TMEM269: variants seen among roughly 807,000 people sequenced by gnomAD.
TMEM269 encodes the protein transmembrane protein 269.
In TMEM269, 12 loss-of-function variants were observed where a neutral mutation model predicts 15.8. That is an observed-to-expected ratio of 0.76 (90% confidence interval 0.49 to 1.23). The LOEUF is 1.23. Ranked by LOEUF, TMEM269 falls within the 50% of genes most tolerant of loss-of-function variation. TMEM269 has a pLI of 0.00. For missense variants in TMEM269, 211 were observed against 245.4 expected, an observed-to-expected ratio of 0.86 and a Z score of 0.94; for synonymous variants, 93 against 99.3, an observed-to-expected ratio of 0.94 and a Z score of 0.38.
Position 42,785,041 on chromosome 1 carries a change from C to CA in TMEM269, c.-139dup, listed in dbSNP as rs1179538087. On this transcript the variant is annotated 5_prime_UTR_variant, in exon 1 of 6. Coordinates refer to ENST00000637012, the MANE Select transcript of TMEM269 (RefSeq NM_001354602.2). ...GAAACGGGGCAGGAGGGCGGACCCCCATCTCATGTAGGAATGCCGTGTCCC... is the reference window on the plus strand; with the variant it reads ...GAAACGGGGCAGGAGGGCGGACCCCCAATCTCATGTAGGAATGCCGTGTCCC... 2.6e-5 allele frequency: 4 copies of CA among 152,490 alleles called. No individual in the cohort carries two copies. The highest frequency in any genetic ancestry group is 6.5e-5 in the Admixed American group (1 of 15,276). The allele number at this position is 152,490 out of a possible 1,614,324, so 9.4% of individuals were successfully genotyped here.
At chr1:42,787,275 T>C (rs1244007830) in intron 1 of TMEM269, among the ~76,000 whole-genome samples, 1 of 152,194 alleles carries the variant, frequency 6.6e-6, no homozygotes, top group Non-Finnish European at 1.5e-5. Context: ...CATCTCTGAG[T>C]CTTCCTTGCT....
intron 4 of TMEM269, 65 bp from the exon 5 acceptor site, chr1:42,794,348 C>A: frequency 1.6e-6 from 2 of 1,252,292 alleles, no homozygotes; most frequent in Admixed American, 2.1e-5. Flanking sequence ...GAGAGAGGGG[C>A]TTGCTTCATT....
intron 1 of TMEM269, chr1:42,789,349 C>G: frequency 1.6e-6 from 2 of 1,236,290 alleles, no homozygotes; most frequent in Non-Finnish European, 2.3e-6. Context: ...AAGGAGTGAA[C>G]TTGGACTGTG....
intron 5 of TMEM269, among the ~76,000 whole-genome samples, chr1:42,796,155 C>T (rs1415895842): frequency 1.3e-5 from 2 of 152,226 alleles, no homozygotes; most frequent in Admixed American, 1.3e-4. Flanking sequence ...TATAAATCCT[C>T]TGGCACAGAT....
At chr1:42,787,820 C>T (rs1653573036) in intron 1 of TMEM269, among the ~76,000 whole-genome samples, 1 of 152,166 alleles carries the variant, frequency 6.6e-6, no homozygotes, top group South Asian at 2.1e-4. Context: ...ACCCTGGGCA[C>T]CTGCTAACTG....
rs1477936316 is a variant in TMEM269, at chr1:42,799,158, C to A, written c.*933C>A. The A allele has an allele frequency of 6.6e-6, 1 of 151,910 alleles. No homozygotes were observed. The highest frequency in any genetic ancestry group is 1.5e-5 in the Non-Finnish European group (1 of 67,984). 9.4% of individuals were successfully genotyped at this position (151,910 alleles called of 1,614,324 possible). On this transcript the variant is annotated 3_prime_UTR_variant, in exon 6 of 6. Transcript: ENST00000637012. ...GCAGGATCTCGTGTGGATTTTCTTT[C>A]CTACGCTGGAAACTACTAAACTCTA...
Position 42,794,583 on chromosome 1 carries a change from G to A in TMEM269, c.454G>A (p.Glu152Lys), listed in dbSNP as rs1470435542. The A allele has an allele frequency of 1.1e-5, 17 of 1,550,894 alleles. No homozygotes were observed. The highest frequency in any genetic ancestry group is 1.7e-4 in the Middle Eastern group (1 of 5,996). ...YYPYDKILES[E>K]NWKKLVYIGG... ...TCCATATGACAAAATCCTGGAGTCT[G>A]AGAACTGGAAAAAATTGGTTTATAT... The change falls in exon 5 of 6, where the codon GAG (glutamate) becomes AAG (lysine). Residue 152 changes from glutamate to lysine, a missense_variant. Glu to Lys is a moderately conservative substitution (Grantham distance 56, BLOSUM62 1). Transcript: ENST00000637012.
rs1372525503 is a variant in TMEM269 at position 42,798,272 on chromosome 1, G to A, written c.*47G>A. 6.5e-7 allele frequency: 1 copy of A among 1,538,770 alleles called. No individual in the cohort carries two copies. Among genetic ancestry groups the A allele is most frequent in the East Asian group, 2.4e-5 (1 of 40,902 alleles). On this transcript the variant is annotated 3_prime_UTR_variant, in exon 6 of 6. Coordinates refer to ENST00000637012, the MANE Select transcript of TMEM269 (RefSeq NM_001354602.2). ...GCTCCTGCCGGCCTCTGTGGGGTTTGTGTCAGCATATTGGGTCAAGCCTGC... is the reference window on the plus strand; with the variant it reads ...GCTCCTGCCGGCCTCTGTGGGGTTTATGTCAGCATATTGGGTCAAGCCTGC...
chr1:42,793,012 T>A (rs1653726671), intron 3 of TMEM269, 110 bp downstream of exon 3: 1 of 833,958 alleles, frequency 1.2e-6, no homozygotes, highest in Non-Finnish European at 2.0e-6. Flanking sequence ...CATCCACCCC[T>A]GTTCACACCC....
chr1:42,790,897 C>T (rs191624100), intron 2 of TMEM269, among the ~76,000 whole-genome samples: 2 of 152,252 alleles, frequency 1.3e-5, no homozygotes, highest in Admixed American at 6.5e-5. Flanking sequence ...CTAGGTCAGG[C>T]CCTTTGCTTC....
chr1:42,789,470 A>G, intron 1 of TMEM269: 6 of 1,535,516 alleles, frequency 3.9e-6, no homozygotes, highest in Non-Finnish European at 5.2e-6. Context: ...ATTCTGGGCC[A>G]TGGGGCTTCA....
At chr1:42,795,933 C>G (rs1378363233) in intron 5 of TMEM269, among the ~76,000 whole-genome samples, 8 of 152,178 alleles carry the variant, frequency 5.3e-5, no homozygotes, top group Admixed American at 5.2e-4. Context: ...GCTGGCTCCT[C>G]CTATGCCTTA....
chr1:42,789,595 C>T, intron 1 of TMEM269: 1 of 1,209,572 alleles, frequency 8.3e-7, no homozygotes, highest in Non-Finnish European at 1.2e-6. Context: ...TGAGCTTTCC[C>T]AAGACGCTGG....
At position 42,789,310 on chromosome 1, in the gene TMEM269, G is replaced by A. The variant is rs1279821031; in HGVS notation, c.-98-486G>A. The A allele has an allele frequency of 1.0e-4, 78 of 769,904 alleles. No homozygotes were observed. In the East Asian group the frequency reaches 2.0e-3, roughly 20 times the overall value. 47.7% of individuals were successfully genotyped at this position (769,904 alleles called of 1,614,324 possible). A position where few individuals can be genotyped will look rare whatever the true frequency, so the allele number is the denominator to read the frequency against. On this transcript the variant is annotated intron_variant, in intron 1 of 5. Transcript: ENST00000637012. ...GGGCCTGTCAGAACCAGGACCTTGA[G>A]GCACCTCAGCTGCAGCCCTGTGCTT...
chr1:42,790,099 G>A lies in TMEM269; in HGVS notation c.41+165G>A, dbSNP rs538952624. Among the ~76,000 whole-genome samples the A allele has an allele frequency of 5.9e-5, 9 of 152,250 alleles. No individual in the cohort carries two copies. The South Asian group carries it at 1.2e-3, about 21-fold the overall frequency. ...AAGAGGCCAAGATCCCATGCTCAAC[G>A]GTACCAGTTCATTCCAGCTATGGCA... On this transcript the variant is annotated intron_variant, in intron 2 of 5. Transcript: ENST00000637012.
At chr1:42,791,634 A>G (rs1312481411) in intron 2 of TMEM269, among the ~76,000 whole-genome samples, 1 of 152,264 alleles carries the variant, frequency 6.6e-6, no homozygotes, top group Non-Finnish European at 1.5e-5. Flanking sequence ...TTTAAAATCC[A>G]TAATTTAAGC....
chr1:42,795,770 C>A (rs1411711666), intron 5 of TMEM269, among the ~76,000 whole-genome samples: 2 of 152,208 alleles, frequency 1.3e-5, no homozygotes, highest in African/African-American at 4.8e-5. Context: ...CTCCTGTAAA[C>A]AAGACAAACA....
In TMEM269 at chr1:42,792,820, C is replaced by T. The variant is rs1045164200; in HGVS notation, c.57C>T (p.Ala19=). The stretch of plus-strand genomic sequence containing the variant: ...TGCACTTTAGGAAATGCCACTATGC[C>T]TCCCGGATGCTCCTGGTCAGCTTCC... ...IFSFSRKCHY[A]SRMLLVSFLL... Residue 19 remains alanine (A), a synonymous_variant, in exon 3 of 6, where the codon GCC becomes GCT. Transcript: ENST00000637012. The T allele has an allele frequency of 3.2e-6, 5 of 1,550,412 alleles. No homozygotes were observed. The highest frequency in any genetic ancestry group is 4.4e-6 in the Non-Finnish European group (5 of 1,146,968).
chr1:42,791,103 A>G (rs1038218084), intron 2 of TMEM269, among the ~76,000 whole-genome samples: 3 of 152,190 alleles, frequency 2.0e-5, no homozygotes, highest in African/African-American at 7.2e-5. Flanking sequence ...TGAGGCAAAA[A>G]CTAATAGAAC....
Sources: allele counts gnomAD v4.1 joint callset (sites outside exome capture counted in the v4.1 genomes callset), GRCh38; gene constraint gnomAD v4.1.1; transcripts MANE v1.5; gene names NCBI Gene and HGNC (gene_info 2026-07-23, HGNC 2026-07-21).